TRPM3: variants seen among roughly 807,000 people sequenced by gnomAD.
TRPM3 encodes the protein long transient receptor potential channel 3.
TRPM3 carries 77 observed loss-of-function variants against 181.2 expected under a neutral mutation model. The observed-to-expected ratio is 0.42, with a 90% CI of 0.35 to 0.51. The LOEUF is 0.51. Ranked by LOEUF, TRPM3 falls within the 20% of genes least tolerant of loss-of-function variation. The pLI is 0.01. For synonymous variants in TRPM3, 745 were observed against 796.4 expected (o/e 0.94, Z 1.09); for missense variants, 1,759 against 2,196.7 (o/e 0.80, Z 3.98).
intron 1 of TRPM3, among the ~76,000 whole-genome samples, chr9:71,301,083 A>G (rs1202591120): frequency 6.6e-6 from 1 of 151,814 alleles, no homozygotes; most frequent in East Asian, 1.9e-4. Flanking sequence ...GCCATTTAAA[A>G]GCATAAGAAG....
chr9:70,853,785 T>C (rs1589253726), intron 3 of TRPM3, among the ~76,000 whole-genome samples: 5 of 152,192 alleles, frequency 3.3e-5, no homozygotes, highest in Admixed American at 2.6e-4. Context: ...ATTGTGCCCT[T>C]CTCTTGAGAA....
At position 70,537,113 on chromosome 9, in the gene TRPM3, T is replaced by G. The variant is rs1173148103; in HGVS notation, c.4000A>C (p.Thr1334Pro). The change falls in exon 26 of 26, where the codon ACC (threonine) becomes CCC (proline). Residue 1334 changes from threonine to proline, a missense_variant. Around this residue, in one of 8 missense-constraint regions of TRPM3, gnomAD observed 612 missense variants for 590.0 expected, o/e 1.04. Coordinates refer to ENST00000677713, the MANE Select transcript of TRPM3 (RefSeq NM_001366145.2). The stretch of plus-strand genomic sequence containing the variant: ...AAGGTTGGAGAAGTTGGGGACATGG[T>G]CTCCTCACCTGCAGGGTCTATACTC... ...QESIDPAGEE[T>P]MSPTSPTLMP... The G allele has an allele frequency of 6.2e-7, 1 of 1,608,430 alleles. No individual in the cohort carries two copies. The highest frequency in any genetic ancestry group is 8.5e-7 in the Non-Finnish European group (1 of 1,175,364).
At chr9:71,272,601 C>A (rs1434799937) in intron 1 of TRPM3, among the ~76,000 whole-genome samples, 1 of 152,120 alleles carries the variant, frequency 6.6e-6, no homozygotes, top group African/African-American at 2.4e-5. Flanking sequence ...ACTATATCCA[C>A]TGGAACAGGC....
At chr9:71,420,789 GAGAGAGAA>G (rs1565557425) in intron 1 of TRPM3, among the ~76,000 whole-genome samples, 3 of 44,050 alleles carry the variant, frequency 6.8e-5, no homozygotes, top group Admixed American at 2.2e-4. Context: ...GAGAGAGAAA[GAGAGAGAA>G]AGAAAGAGAG....
intron 1 of TRPM3, among the ~76,000 whole-genome samples, chr9:71,289,199 C>CT (rs1314619847): frequency 6.6e-6 from 1 of 151,938 alleles, no homozygotes; most frequent in Non-Finnish European, 1.5e-5. Context: ...AAAACGCTAA[C>CT]TGCAGGATTT....
At position 71,011,770 on chromosome 9, in the gene TRPM3, G is replaced by GTT. The variant is rs1284794876; in HGVS notation, c.177+109406_177+109407dup. On this transcript the variant is annotated intron_variant, in intron 1 of 25. Transcript: ENST00000677713. ...GGGGTCATACAGGAATTCATCCATG[G>GTT]TTTTTTTTTTTGTTTTTTTGTTTTT... is the stretch of plus-strand genomic sequence containing the variant. Among the ~76,000 whole-genome samples the GTT allele has an allele frequency of 1.4e-4, 17 of 120,896 alleles. No individual in the cohort carries two copies. In the East Asian group the frequency reaches 1.5e-3, roughly 10 times the overall value. 79.3% of individuals were successfully genotyped at this position (120,896 alleles called of 152,430 possible).
rs544602371 is a variant in TRPM3, at chr9:70,698,271, A to G, written c.1273-16693T>C. Among the ~76,000 whole-genome samples the G allele has an allele frequency of 4.6e-5, 7 of 151,350 alleles. No individual in the cohort carries two copies. In the East Asian group the frequency reaches 1.2e-3, roughly 25 times the overall value. On this transcript the variant is annotated intron_variant, in intron 8 of 25. Coordinates refer to ENST00000677713, the MANE Select transcript of TRPM3 (RefSeq NM_001366145.2). ...TGCCCCTTCTTCAAGCCGATTCTCC[A>G]TGTAACAGCAGAGTTTTGGAGCAAG...
chr9:71,277,792 G>T (rs2132169060), intron 1 of TRPM3, among the ~76,000 whole-genome samples: 1 of 152,320 alleles, frequency 6.6e-6, no homozygotes, highest in Non-Finnish European at 1.5e-5. Context: ...CAGGAAAAAT[G>T]CTTCAGCAAT....
At chr9:71,161,447 A>T (rs1378207068) in intron 1 of TRPM3, among the ~76,000 whole-genome samples, 4 of 152,140 alleles carry the variant, frequency 2.6e-5, no homozygotes, top group African/African-American at 7.2e-5. Flanking sequence ...CCCATATCAG[A>T]TTATTAAGGG....
At chr9:71,252,109 C>T (rs1313386091) in intron 1 of TRPM3, among the ~76,000 whole-genome samples, 1 of 152,084 alleles carries the variant, frequency 6.6e-6, no homozygotes, top group Non-Finnish European at 1.5e-5. Flanking sequence ...AGATTGCATC[C>T]AAATCCTGGC....
At chr9:71,058,512 T>C (rs1162902758) in intron 1 of TRPM3, among the ~76,000 whole-genome samples, 1 of 152,054 alleles carries the variant, frequency 6.6e-6, no homozygotes, top group Non-Finnish European at 1.5e-5. Context: ...CTGGTCTACC[T>C]GATGTATCTT....
chr9:71,387,989 T>A (rs2092967360), intron 1 of TRPM3, among the ~76,000 whole-genome samples: 1 of 152,220 alleles, frequency 6.6e-6, no homozygotes, highest in Admixed American at 6.6e-5. Context: ...CTATATAATA[T>A]TCTTTGGGCA....
chr9:71,440,628 T>C (rs1202319099), intron 1 of TRPM3, among the ~76,000 whole-genome samples: 1 of 152,242 alleles, frequency 6.6e-6, no homozygotes, highest in Non-Finnish European at 1.5e-5. Flanking sequence ...AAGCTAGACT[T>C]TGTATATCTC....
chr9:71,263,206 C>G (rs1286486893), intron 1 of TRPM3, among the ~76,000 whole-genome samples: 1 of 151,970 alleles, frequency 6.6e-6, no homozygotes, highest in Non-Finnish European at 1.5e-5. Context: ...ATTTTCATAC[C>G]TTCATCTTAG....
chr9:71,259,341 G>A (rs1413323643), intron 1 of TRPM3, among the ~76,000 whole-genome samples: 4 of 152,104 alleles, frequency 2.6e-5, no homozygotes, highest in African/African-American at 7.2e-5. Context: ...TATGAATAGT[G>A]CTTCAATAAA....
chr9:70,540,554 G>A (rs1389304195), intron 25 of TRPM3, among the ~76,000 whole-genome samples: 1 of 152,078 alleles, frequency 6.6e-6, no homozygotes, highest in East Asian at 1.9e-4. Context: ...GAAGAGTCAG[G>A]ACCTAAAAAG....
At chr9:71,393,135 T>G (rs1440881038) in intron 1 of TRPM3, among the ~76,000 whole-genome samples, 1 of 152,120 alleles carries the variant, frequency 6.6e-6, no homozygotes, top group Non-Finnish European at 1.5e-5. Context: ...ATTGGAATAA[T>G]TTCACAGTAA....
intron 1 of TRPM3, among the ~76,000 whole-genome samples, chr9:70,969,858 T>G (rs549942923): frequency 6.6e-6 from 1 of 151,286 alleles, no homozygotes; most frequent in East Asian, 1.9e-4. Flanking sequence ...ACATACTGAA[T>G]GGTAACTCTT....
chr9:70,775,542 G>C (rs1304750211), intron 7 of TRPM3: 1 of 152,146 alleles, frequency 6.6e-6, no homozygotes. Flanking sequence ...TGTAGGTCAG[G>C]GGTCTTCAAT....
Sources: gnomAD v4.1 joint callset for allele counts (sites outside exome capture counted in the v4.1 genomes callset) on GRCh38, gnomAD v4.1.1 for gene constraint, gnomAD v4.1.1 regional missense constraint, MANE v1.5 for transcripts, NCBI Gene and HGNC (gene_info 2026-07-23, HGNC 2026-07-21) for gene names.